CDH12: variants seen among roughly 807,000 people sequenced by gnomAD.
The protein encoded by CDH12 is cadherin 12, also known as cadherin-12.
CDH12 carries 41 observed loss-of-function variants against 74.1 expected under a neutral mutation model. That is an observed-to-expected ratio of 0.55 (90% CI 0.43 to 0.72). CDH12 has a LOEUF of 0.72. Among genes scored for constraint, CDH12 ranks in the 30% least tolerant of loss-of-function variants. CDH12 has a pLI of 0.00. For synonymous variants in CDH12, 399 were observed against 355.0 expected, an observed-to-expected ratio of 1.12 and a Z score of -1.39; for missense variants, 945 against 977.2, an observed-to-expected ratio of 0.97 and a Z score of 0.44.
intron 6 of CDH12, among the ~76,000 whole-genome samples, chr5:21,924,170 T>G (rs1754483036): frequency 6.6e-6 from 1 of 152,156 alleles, no homozygotes; most frequent in Admixed American, 6.5e-5. Flanking sequence ...CTTTTTTCCC[T>G]GTTGAATTGT....
At chr5:22,184,622 G>A (rs970870394) in intron 4 of CDH12, among the ~76,000 whole-genome samples, 4 of 152,152 alleles carry the variant, frequency 2.6e-5, no homozygotes, top group Non-Finnish European at 5.9e-5. Context: ...AAGAAAGAAT[G>A]GATTGGAACA....
At position 22,330,243 on chromosome 5, in the gene CDH12, C is replaced by G. The variant is rs538518499; in HGVS notation, c.-333+75014G>C. On this transcript the variant is annotated intron_variant, in intron 3 of 14. Coordinates refer to ENST00000382254, the MANE Select transcript of CDH12 (RefSeq NM_004061.5). Reference sequence around the variant, plus strand: ...GTAGCTCCAGGATGACATTCCTAGACACAGCCTGTGTCAAAAGGGACCCCA... The same window carrying G: ...GTAGCTCCAGGATGACATTCCTAGAGACAGCCTGTGTCAAAAGGGACCCCA... Among the ~76,000 whole-genome samples the G allele has an allele frequency of 1.1e-4, 16 of 152,216 alleles. 1 individual carries two copies. In the South Asian group the frequency reaches 2.7e-3, roughly 26 times the overall value.
chr5:22,838,631 A>C (rs1736938514), intron 1 of CDH12, among the ~76,000 whole-genome samples: 1 of 148,434 alleles, frequency 6.7e-6, no homozygotes, highest in South Asian at 2.2e-4. Context: ...TCATTTCTTA[A>C]AATGGGTGTG....
chr5:22,060,451 G>A (rs995628552), intron 5 of CDH12, among the ~76,000 whole-genome samples: 7 of 151,922 alleles, frequency 4.6e-5, no homozygotes, highest in African/African-American at 1.5e-4. Flanking sequence ...AAACCTACAC[G>A]TTCAGCACAT....
chr5:22,230,320 TATC>T (rs1249326912), intron 3 of CDH12, among the ~76,000 whole-genome samples: 7 of 152,084 alleles, frequency 4.6e-5, no homozygotes, highest in Admixed American at 3.9e-4. Context: ...CAATACATAA[TATC>T]ATTATTTTTC....
At chr5:22,287,613 T>C (rs918800948) in intron 3 of CDH12, among the ~76,000 whole-genome samples, 7 of 150,948 alleles carry the variant, frequency 4.6e-5, no homozygotes, top group African/African-American at 1.2e-4. Flanking sequence ...GTCCCAGCTA[T>C]TCGGGAGGCT....
At chr5:22,123,535 G>T (rs2150278233) in intron 4 of CDH12, among the ~76,000 whole-genome samples, 1 of 152,236 alleles carries the variant, frequency 6.6e-6, no homozygotes, top group East Asian at 1.9e-4. Context: ...TTATTTTGAG[G>T]TCTAGAAAGC....
At chr5:22,038,466 C>G (rs184087746) in intron 5 of CDH12, among the ~76,000 whole-genome samples, 3 of 152,262 alleles carry the variant, frequency 2.0e-5, no homozygotes, top group African/African-American at 7.2e-5. Flanking sequence ...AGGGCCCAGG[C>G]TAAAGCTGCA....
intron 5 of CDH12, among the ~76,000 whole-genome samples, chr5:22,065,974 G>T (rs552155850): frequency 1.4e-4 from 21 of 150,438 alleles, no homozygotes; most frequent in African/African-American, 5.0e-4. Flanking sequence ...AAACAGAAAG[G>T]TTCTAGGTCA....
At chr5:22,040,929 T>C (rs4635905) in intron 5 of CDH12, among the ~76,000 whole-genome samples, 5,443 of 152,200 alleles carry the variant, frequency 0.036, 338 homozygotes, top group African/African-American at 0.12. Flanking sequence ...TAGTACTATA[T>C]AAATCATATA....
chr5:22,736,308 G>A (rs1183112540), intron 1 of CDH12, among the ~76,000 whole-genome samples: 1 of 151,718 alleles, frequency 6.6e-6, no homozygotes, highest in African/African-American at 2.4e-5. Flanking sequence ...TGTGTATATA[G>A]ATGAATGTGT....
intron 1 of CDH12, among the ~76,000 whole-genome samples, chr5:22,766,502 T>C (rs2127063844): frequency 6.6e-6 from 1 of 152,174 alleles, no homozygotes; most frequent in Middle Eastern, 3.4e-3. Flanking sequence ...ACACAGATGA[T>C]AACTCCCATT....
At chr5:22,606,157 A>G (rs1253464719) in intron 1 of CDH12, among the ~76,000 whole-genome samples, 1 of 152,188 alleles carries the variant, frequency 6.6e-6, no homozygotes, top group African/African-American at 2.4e-5. Context: ...CCTGTTCCAC[A>G]TCCTTAGTCC....
intron 6 of CDH12, among the ~76,000 whole-genome samples, chr5:21,970,874 A>AAAAAAAAAAAAT (rs1756822951): frequency 7.7e-6 from 1 of 129,656 alleles, no homozygotes; most frequent in Non-Finnish European, 1.6e-5. Flanking sequence ...AAAAAAAAAA[A>AAAAAAAAAAAAT]GAAAAAAGAA....
chr5:21,867,140 A>G (rs1050493229), intron 6 of CDH12, among the ~76,000 whole-genome samples: 1 of 152,104 alleles, frequency 6.6e-6, no homozygotes, highest in Non-Finnish European at 1.5e-5. Flanking sequence ...GGATCACCTG[A>G]TTTCAGGAGT....
intron 1 of CDH12, among the ~76,000 whole-genome samples, chr5:22,734,092 T>C (rs890521723): frequency 3.3e-5 from 5 of 152,112 alleles, no homozygotes; most frequent in Admixed American, 3.3e-4. Flanking sequence ...TTAAAATACA[T>C]TGTGTCTTAG....
intron 5 of CDH12, among the ~76,000 whole-genome samples, chr5:22,023,679 A>G (rs1040278332): frequency 3.9e-5 from 6 of 152,230 alleles, no homozygotes; most frequent in South Asian, 2.1e-4. Context: ...GTAGAGGCAA[A>G]TTTACTGTAA....
At chr5:22,617,071 C>A (rs1737728368) in intron 1 of CDH12, among the ~76,000 whole-genome samples, 1 of 151,860 alleles carries the variant, frequency 6.6e-6, no homozygotes, top group African/African-American at 2.4e-5. Flanking sequence ...GACAAGGTCT[C>A]ATTATGTTAC....
At chr5:22,315,214 G>T (rs1345591182) in intron 3 of CDH12, among the ~76,000 whole-genome samples, 3 of 143,964 alleles carry the variant, frequency 2.1e-5, no homozygotes, top group African/African-American at 7.7e-5. Context: ...TGCCCGCCTC[G>T]GCCTCGCAAA....
Sources: allele counts gnomAD v4.1 joint callset (sites outside exome capture counted in the v4.1 genomes callset), GRCh38; gene constraint gnomAD v4.1.1; transcripts MANE v1.5; gene names NCBI Gene and HGNC (gene_info 2026-07-23, HGNC 2026-07-21).